Variants in OR8J3 observed in about 807,000 individuals in gnomAD.
OR8J3 encodes olfactory receptor 8J3.
For missense variants in OR8J3, 418 were observed against 379.8 expected, an observed-to-expected ratio of 1.10 and a Z score of -0.84; for synonymous variants, 170 against 142.6, an observed-to-expected ratio of 1.19 and a Z score of -1.37.
Position 56,137,579 on chromosome 11 carries a change from G to C in OR8J3, c.140C>G (p.Thr47Ser), listed in dbSNP as rs952015239. 5 of 1,614,080 alleles carry C rather than the reference G, an allele frequency of 3.1e-6. No individual in the cohort carries two copies. Among genetic ancestry groups the C allele is most frequent in the Non-Finnish European group, 4.2e-6 (5 of 1,180,040 alleles). The change falls in exon 2 of 2, where the codon ACC (threonine) becomes AGC (serine). Residue 47 changes from threonine (T) to serine (S), a missense_variant. Thr to Ser is a moderately conservative substitution (Grantham distance 58). Transcript: ENST00000642058. ...AAGTCGAGAGTCAACACTGGTGAGG[G>C]TGATGATGCCCAGGTTCCCTGCCAT... is the stretch of plus-strand genomic sequence containing the variant. Reference protein sequence around the residue: ...LTMAGNLGIITLTSVDSRLQN... With the variant: ...LTMAGNLGIISLTSVDSRLQN...
At position 56,137,694 on chromosome 11, in the gene OR8J3, C is replaced by A. The variant is rs767029490; in HGVS notation, c.25G>T (p.Val9Phe). ...ACACCTGTGAGAATAAACTCAGTGACCCTGGTGAAATTTTCAGGAGCCATG... is the reference window on the plus strand; with the variant it reads ...ACACCTGTGAGAATAAACTCAGTGAACCTGGTGAAATTTTCAGGAGCCATG... The part of the protein sequence containing the change: MAPENFTR[V>F]TEFILTGVSS... Residue 9 changes from valine to phenylalanine, a missense_variant, in exon 2 of 2, where the codon GTC becomes TTC. Val to Phe is a conservative substitution (Grantham distance 50). Coordinates refer to ENST00000642058, the MANE Select transcript of OR8J3 (RefSeq NM_001004064.2). 8.8e-6 allele frequency: 14 copies of A among 1,599,482 alleles called. No homozygotes were observed. The highest frequency in any genetic ancestry group is 1.8e-5 in the Admixed American group (1 of 56,144).
Position 56,137,500 on chromosome 11 carries a change from G to A in OR8J3, c.219C>T (p.Asn73=). ...GCATTTTAGGGGCAATGACAGTAGAGTTGCCAAGATTGATGATAGCTAGAT... is the reference window on the plus strand; with the variant it reads ...GCATTTTAGGGGCAATGACAGTAGAATTGCCAAGATTGATGATAGCTAGAT... The part of the protein sequence containing the change: ...LRHLAIINLG[N]STVIAPKMLM... The change falls in exon 2 of 2, where the codon AAC becomes AAT. Residue 73 remains asparagine (N), a synonymous_variant. Coordinates refer to ENST00000642058, the MANE Select transcript of OR8J3 (RefSeq NM_001004064.2). 1 of 1,614,210 alleles carries A rather than the reference G, an allele frequency of 6.2e-7. No individual in the cohort carries two copies. Among genetic ancestry groups the A allele is most frequent in the Non-Finnish European group, 8.5e-7 (1 of 1,180,036 alleles).
chr11:56,136,762 G>C lies in OR8J3; in HGVS notation c.*9C>G. Reference sequence around the variant, plus strand: ...AACTATCTCTTCATTTATTTATAGAGCTCTAAAATTACATTGATTTAAAGG... The same window carrying C: ...AACTATCTCTTCATTTATTTATAGACCTCTAAAATTACATTGATTTAAAGG... On this transcript the variant is annotated 3_prime_UTR_variant, in exon 2 of 2. Transcript: ENST00000642058. The C allele has an allele frequency of 4.9e-6, 7 of 1,427,392 alleles. No homozygotes were observed. The highest frequency in any genetic ancestry group is 1.3e-5 in the South Asian group (1 of 75,304). 88.4% of individuals were successfully genotyped at this position (1,427,392 alleles called of 1,614,324 possible).
Position 56,137,627 on chromosome 11 carries a change from A to T in OR8J3, c.92T>A (p.Phe31Tyr). 4.3e-6 allele frequency: 7 copies of T among 1,614,240 alleles called. No individual in the cohort carries two copies. Among genetic ancestry groups the T allele is most frequent in the Non-Finnish European group, 5.9e-6 (7 of 1,180,044 alleles). The change falls in exon 2 of 2, where the codon TTC becomes TAC. Residue 31 changes from phenylalanine (F) to tyrosine (Y), a missense_variant. Phe to Tyr is a conservative substitution (Grantham distance 22). Coordinates refer to ENST00000642058, the MANE Select transcript of OR8J3 (RefSeq NM_001004064.2). ...CATGGTCAGCACATAGAGCACTAGG[A>T]AGACCAGGAAGAGGGGAATCTGGAG... ...PELQIPLFLV[F>Y]LVLYVLTMAG...
Position 56,137,130 on chromosome 11 carries a change from T to C in OR8J3, c.589A>G (p.Thr197Ala). The change falls in exon 2 of 2, where the codon ACA becomes GCA. Residue 197 changes from threonine to alanine, a missense_variant. Physicochemically the swap from Thr to Ala is moderately conservative, Grantham distance 58. Transcript: ENST00000642058. ...GTTGCTGCAGATATAAAGACTATTG[T>C]TTCTGGTATGTAAGTATCAGAGCAA... ...LSCSDTYIPE[T>A]IVFISAATNL... 6.2e-7 allele frequency: 1 copy of C among 1,613,186 alleles called. No homozygotes were observed. The highest frequency in any genetic ancestry group is 8.5e-7 in the Non-Finnish European group (1 of 1,179,698).
intron 1 of OR8J3, among the ~76,000 whole-genome samples, chr11:56,139,439 C>T: frequency 6.6e-6 from 1 of 152,064 alleles, no homozygotes; most frequent in Middle Eastern, 3.4e-3. Context: ...TTGATGATAC[C>T]AAGCATAAAT....
rs1449000616 is a variant in OR8J3, at chr11:56,135,908, T to A, written c.*863A>T. On this transcript the variant is annotated 3_prime_UTR_variant, in exon 2 of 2. Transcript: ENST00000642058. ...TCTGATTACTCCTATATATTATAAG[T>A]TGTACAATAGGTGTAAGTGTACACT... is the stretch of plus-strand genomic sequence containing the variant. 6.6e-6 allele frequency: 1 copy of A among 151,978 alleles called. No individual in the cohort carries two copies. The highest frequency in any genetic ancestry group is 1.5e-5 in the Non-Finnish European group (1 of 67,872). The allele number at this position is 151,978 out of a possible 1,614,324, so 9.4% of individuals were successfully genotyped here.
chr11:56,140,132 T>C (rs1333987973), intron 1 of OR8J3, 41 bp downstream of exon 1: 1 of 152,258 alleles, frequency 6.6e-6, no homozygotes, highest in East Asian at 1.9e-4. Context: ...TAGTTTAAAC[T>C]CTGCCCTTGA....
Position 56,137,284 on chromosome 11 carries a change from C to G in OR8J3, c.435G>C (p.Val145=), listed in dbSNP as rs755531760. 31 of 1,613,804 alleles carry G rather than the reference C, an allele frequency of 1.9e-5. No individual in the cohort carries two copies. Among genetic ancestry groups the G allele is most frequent in the East Asian group, 4.5e-5 (2 of 44,864 alleles). ...VVSRRLCLLL[V]SLTYLYGFST... Reference sequence around the variant, plus strand: ...AAAAGCCATAGAGGTATGTGAGGGACACCAGCAGGAGGCAGAGCCGCCGAG... The same window carrying G: ...AAAAGCCATAGAGGTATGTGAGGGAGACCAGCAGGAGGCAGAGCCGCCGAG... The change falls in exon 2 of 2, where the codon GTG becomes GTC. Residue 145 remains valine (V), a synonymous_variant. Transcript: ENST00000642058.
Position 56,137,504 on chromosome 11 carries a change from C to T in OR8J3, c.215G>A (p.Gly72Asp), listed in dbSNP as rs1277462682. The T allele has an allele frequency of 6.2e-7, 1 of 1,614,148 alleles. No homozygotes were observed. The highest frequency in any genetic ancestry group is 8.5e-7 in the Non-Finnish European group (1 of 1,180,046). The change falls in exon 2 of 2, where the codon GGC becomes GAC. Residue 72 changes from glycine (G) to aspartate (D), a missense_variant. Physicochemically the swap from Gly to Asp is moderately conservative, Grantham distance 94. Coordinates refer to ENST00000642058, the MANE Select transcript of OR8J3 (RefSeq NM_001004064.2). ...TTTAGGGGCAATGACAGTAGAGTTG[C>T]CAAGATTGATGATAGCTAGATGTCT... ...FLRHLAIINLGNSTVIAPKML... is the reference protein window; with the variant it reads ...FLRHLAIINLDNSTVIAPKML...
Position 56,137,780 on chromosome 11 carries a change from T to C in OR8J3, c.-62A>G. The C allele has an allele frequency of 2.9e-6, 4 of 1,381,778 alleles. No homozygotes were observed. Among genetic ancestry groups the C allele is most frequent in the African/African-American group, 2.9e-5 (2 of 68,866 alleles). 85.6% of individuals were successfully genotyped at this position (1,381,778 alleles called of 1,614,324 possible). ...ATAAGTGGTTATAGACGTTAAGGAATCATTTTCTAGGATTTCCACTAGATG... is the reference window on the plus strand; with the variant it reads ...ATAAGTGGTTATAGACGTTAAGGAACCATTTTCTAGGATTTCCACTAGATG... On this transcript the variant is annotated 5_prime_UTR_variant, in exon 2 of 2. Coordinates refer to ENST00000642058, the MANE Select transcript of OR8J3 (RefSeq NM_001004064.2).
In OR8J3 at chr11:56,139,947, G is replaced by A. The variant is rs548620026; in HGVS notation, c.-780+226C>T. 3.2e-4 allele frequency among the ~76,000 whole-genome samples: 48 copies of A among 152,316 alleles called. 1 individual carries two copies. In the South Asian group the frequency reaches 9.7e-3, roughly 31 times the overall value. On this transcript the variant is annotated intron_variant, in intron 1 of 1. Coordinates refer to ENST00000642058, the MANE Select transcript of OR8J3 (RefSeq NM_001004064.2). ...AATATGTTCTTATAAATGCTGTAAC[G>A]TGCATAGATAGGAAATGAGAATAGG...
At chr11:56,139,921 G>T (rs1386433358) in intron 1 of OR8J3, among the ~76,000 whole-genome samples, 1 of 152,228 alleles carries the variant, frequency 6.6e-6, no homozygotes, top group African/African-American at 2.4e-5. Context: ...CCTGCCTTTA[G>T]AATATGTTCT....
chr11:56,135,903 A>T lies in OR8J3; in HGVS notation c.*868T>A, dbSNP rs1371539371. ...ATAAGTCTGATTACTCCTATATATT[A>T]TAAGTTGTACAATAGGTGTAAGTGT... On this transcript the variant is annotated 3_prime_UTR_variant, in exon 2 of 2. Coordinates refer to ENST00000642058, the MANE Select transcript of OR8J3 (RefSeq NM_001004064.2). 1.3e-5 allele frequency: 2 copies of T among 152,026 alleles called. No homozygotes were observed. Among genetic ancestry groups the T allele is most frequent in the Non-Finnish European group, 2.9e-5 (2 of 67,894 alleles). The allele number at this position is 152,026 out of a possible 1,614,324, so 9.4% of individuals were successfully genotyped here.
At position 56,135,082 on chromosome 11, in the gene OR8J3, C is replaced by G. The variant is rs1436959313; in HGVS notation, c.*1689G>C. ...TTCATTTGTCATATTTGGCTACAAA[C>G]AATTTTATGGTCTTCTAGCATTTCT... On this transcript the variant is annotated 3_prime_UTR_variant, in exon 2 of 2. Coordinates refer to ENST00000642058, the MANE Select transcript of OR8J3 (RefSeq NM_001004064.2). The G allele has an allele frequency of 6.6e-6, 1 of 151,902 alleles. No individual in the cohort carries two copies. The highest frequency in any genetic ancestry group is 2.4e-5 in the African/African-American group (1 of 41,400). 9.4% of individuals were successfully genotyped at this position (151,902 alleles called of 1,614,324 possible).
chr11:56,136,751 T>A lies in OR8J3; in HGVS notation c.*20A>T. The A allele has an allele frequency of 1.5e-6, 2 of 1,368,394 alleles. No individual in the cohort carries two copies. The highest frequency in any genetic ancestry group is 2.0e-6 in the Non-Finnish European group (2 of 999,154). The allele number at this position is 1,368,394 out of a possible 1,614,324, so 84.8% of individuals were successfully genotyped here. A position where few individuals can be genotyped will look rare whatever the true frequency, so the allele number is the denominator to read the frequency against. On this transcript the variant is annotated 3_prime_UTR_variant, in exon 2 of 2. Coordinates refer to ENST00000642058, the MANE Select transcript of OR8J3 (RefSeq NM_001004064.2). ...CAGGTTACATGAACTATCTCTTCAT[T>A]TATTTATAGAGCTCTAAAATTACAT... is the stretch of plus-strand genomic sequence containing the variant.
chr11:56,137,097 C>T lies in OR8J3; in HGVS notation c.622G>A (p.Val208Ile). Residue 208 changes from valine to isoleucine, a missense_variant, in exon 2 of 2, where the codon GTT becomes ATT. Physicochemically the swap from Val to Ile is conservative, Grantham distance 29. Coordinates refer to ENST00000642058, the MANE Select transcript of OR8J3 (RefSeq NM_001004064.2). ...IVFISAATNLVFSMITVLVSY... is the reference protein window; with the variant it reads ...IVFISAATNLIFSMITVLVSY... ...ACTAGAACTGTAATCATGGAAAAAACCAAATTTGTTGCTGCAGATATAAAG... is the reference window on the plus strand; with the variant it reads ...ACTAGAACTGTAATCATGGAAAAAATCAAATTTGTTGCTGCAGATATAAAG... 6.2e-7 allele frequency: 1 copy of T among 1,613,424 alleles called. No individual in the cohort carries two copies.
rs186538688 is a variant in OR8J3, at chr11:56,138,082, G to A, written c.-364C>T. 1.9e-3 allele frequency: 383 copies of A among 205,700 alleles called. 2 individuals carry two copies. The highest frequency in any genetic ancestry group is 7.6e-3 in the African/African-American group (327 of 43,084). 12.7% of individuals were successfully genotyped at this position (205,700 alleles called of 1,614,324 possible). On this transcript the variant is annotated 5_prime_UTR_variant, in exon 2 of 2. Transcript: ENST00000642058. ...CTGATGATTTTTGCACTGATCATGA[G>A]AAAGGCTTAAGAAATTGTATATCGC...
Position 56,136,813 on chromosome 11 carries a change from C to CT in OR8J3, c.905dup (p.Lys303GlufsTer11), listed in dbSNP as rs1854334199. 3 of 1,601,198 alleles carry CT rather than the reference C, an allele frequency of 1.9e-6. No individual in the cohort carries two copies. The highest frequency in any genetic ancestry group is 2.3e-5 in the South Asian group (2 of 88,240). Reference sequence around the variant, plus strand: ...AGTAACATGGATTTTCCATGAATTTCTTTAAGGCAACATTTACATCATTAT... The same window carrying CT: ...AGTAACATGGATTTTCCATGAATTTCTTTTAAGGCAACATTTACATCATTAT... On this transcript the variant is annotated frameshift_variant, in exon 2 of 2. Transcript: ENST00000642058. LOFTEE classifies it low-confidence loss of function (END_TRUNC).
Sources: allele counts gnomAD v4.1 joint callset (sites outside exome capture counted in the v4.1 genomes callset), GRCh38; gene constraint gnomAD v4.1.1; transcripts MANE v1.5; gene names NCBI Gene and HGNC (gene_info 2026-07-23, HGNC 2026-07-21).